Variants in VWA8 observed in about 807,000 individuals in gnomAD.
VWA8 encodes von Willebrand factor A domain-containing protein 8.
In VWA8, 221 loss-of-function variants were observed where a neutral mutation model predicts 241.5. The observed-to-expected ratio is 0.91, with a 90% CI of 0.82 to 1.02. VWA8 has a LOEUF of 1.02. VWA8 is among the 50% of genes least tolerant of loss of function. VWA8 has a pLI of 0.00. For synonymous variants in VWA8, 852 were observed against 827.1 expected (o/e 1.03, Z -0.52); for missense variants, 2,322 against 2,328.7 (o/e 1.00, Z 0.06).
chr13:41,729,798 G>GACACACAC lies in VWA8; in HGVS notation c.2503-129_2503-122dup, dbSNP rs59345894. The GACACACAC allele has an allele frequency of 3.5e-3, 1,553 of 444,900 alleles. 5 individuals are homozygous for GACACACAC. Among genetic ancestry groups the GACACACAC allele is most frequent in the African/African-American group, 7.2e-3 (315 of 43,996 alleles). 27.6% of individuals were successfully genotyped at this position (444,900 alleles called of 1,614,324 possible). ...TATTTAAGTTACAAGTATACACGTAGACACACACACACACACACACACACA... is the reference window on the plus strand; with the variant it reads ...TATTTAAGTTACAAGTATACACGTAGACACACACACACACACACACACACACACACACA... On this transcript the variant is annotated intron_variant, in intron 22 of 44. Transcript: ENST00000379310.
chr13:41,776,586 ATTACTT>A (rs1868605045), intron 20 of VWA8, among the ~76,000 whole-genome samples: 1 of 152,220 alleles, frequency 6.6e-6, no homozygotes, highest in Non-Finnish European at 1.5e-5. Context: ...ACAAGAGAAT[ATTACTT>A]TTAAACTATA....
chr13:41,679,157 A>G (rs1018570867), intron 35 of VWA8, among the ~76,000 whole-genome samples: 8 of 152,176 alleles, frequency 5.3e-5, no homozygotes, highest in Non-Finnish European at 8.8e-5. Flanking sequence ...AAAGATAGGT[A>G]TAAGTTGTAT....
chr13:41,812,101 G>T (rs556881323), intron 16 of VWA8, among the ~76,000 whole-genome samples: 2 of 152,054 alleles, frequency 1.3e-5, no homozygotes, highest in South Asian at 4.1e-4. Context: ...CTTTAAAATG[G>T]CAATAGTAAT....
At chr13:41,913,288 T>A (rs1049902095) in intron 2 of VWA8, among the ~76,000 whole-genome samples, 1 of 151,928 alleles carries the variant, frequency 6.6e-6, no homozygotes, top group Non-Finnish European at 1.5e-5. Context: ...TACCTGGGGG[T>A]AAGGAGTGGC....
chr13:41,572,433 A>G (rs969839978), intron 43 of VWA8, among the ~76,000 whole-genome samples: 4 of 152,214 alleles, frequency 2.6e-5, no homozygotes, highest in Non-Finnish European at 5.9e-5. Flanking sequence ...GGGAGACTCC[A>G]TTTTGTTCTG....
chr13:41,671,250 C>T lies in VWA8; in HGVS notation c.4410-103G>A, dbSNP rs1475649009. 4 of 1,251,066 alleles carry T rather than the reference C, an allele frequency of 3.2e-6. No homozygotes were observed. In the East Asian group the frequency reaches 7.1e-5, roughly 22 times the overall value. 77.5% of individuals were successfully genotyped at this position (1,251,066 alleles called of 1,614,324 possible). A position where few individuals can be genotyped will look rare whatever the true frequency, so the allele number is the denominator to read the frequency against. On this transcript the variant is annotated intron_variant, in intron 36 of 44. Coordinates refer to ENST00000379310, the MANE Select transcript of VWA8 (RefSeq NM_015058.2). ...CTTTACTGTTGAAAAAGTATGCTCA[C>T]ACTACTCATTATTTTATACCTGCTC... is the stretch of plus-strand genomic sequence containing the variant.
chr13:41,691,753 T>C (rs1244805248), intron 31 of VWA8, 121 bp downstream of exon 31: 1 of 835,110 alleles, frequency 1.2e-6, no homozygotes, highest in Non-Finnish European at 1.9e-6. Flanking sequence ...CAAGTTACTT[T>C]ATATTAAAAC....
intron 36 of VWA8, among the ~76,000 whole-genome samples, chr13:41,672,335 A>G (rs2045031646): frequency 6.6e-6 from 1 of 152,162 alleles, no homozygotes; most frequent in Admixed American, 6.6e-5. Flanking sequence ...ATTTCTAGGA[A>G]AGCAAATTTG....
chr13:41,575,941 T>G, intron 42 of VWA8, 103 bp from the exon 43 acceptor site: 1 of 775,270 alleles, frequency 1.3e-6, no homozygotes, highest in African/African-American at 1.7e-5. Flanking sequence ...CCAAAGTTGC[T>G]CAACATATGG....
At chr13:41,686,987 C>T (rs1268382527) in intron 34 of VWA8, among the ~76,000 whole-genome samples, 2 of 152,108 alleles carry the variant, frequency 1.3e-5, no homozygotes, top group East Asian at 1.9e-4. Flanking sequence ...CTTGCTTGGG[C>T]TCTGATCTTT....
At chr13:41,747,939 G>A (rs1593741334) in intron 21 of VWA8, among the ~76,000 whole-genome samples, 1 of 152,200 alleles carries the variant, frequency 6.6e-6, no homozygotes, top group Admixed American at 6.5e-5. Context: ...TGCATTCCAG[G>A]GGTGAAGCCC....
chr13:41,909,337 G>T (rs115165688), intron 3 of VWA8, among the ~76,000 whole-genome samples: 216 of 152,276 alleles, frequency 1.4e-3, no homozygotes, highest in African/African-American at 4.9e-3. Context: ...TGGGATCATA[G>T]GCATGAGCCA....
intron 21 of VWA8, among the ~76,000 whole-genome samples, chr13:41,750,888 A>T (rs997659936): frequency 1.2e-4 from 11 of 93,556 alleles, no homozygotes; most frequent in East Asian, 9.0e-4. Flanking sequence ...ATATTTGATA[A>T]AAAAAAAAAA....
intron 14 of VWA8, among the ~76,000 whole-genome samples, chr13:41,819,937 A>T (rs976579989): frequency 6.6e-6 from 1 of 152,168 alleles, no homozygotes; most frequent in Non-Finnish European, 1.5e-5. Flanking sequence ...AGAAAATAAA[A>T]CCTTTATAGA....
In VWA8 at chr13:41,581,088, C is replaced by G. The variant is rs915374003; in HGVS notation, c.5272-5250G>C. ...AATCTCGGCTCACTGCAGGCTCCGC[C>G]CCCTGGAGTTCACGCCATTCTCCTG... is the stretch of plus-strand genomic sequence containing the variant. On this transcript the variant is annotated intron_variant, in intron 42 of 44. Transcript: ENST00000379310. Among the ~76,000 whole-genome samples, 7 of 104,012 alleles carry G rather than the reference C, an allele frequency of 6.7e-5. 1 individual carries two copies. The highest frequency in any genetic ancestry group is 1.1e-4 in the Non-Finnish European group (6 of 56,926). The allele number at this position is 104,012 out of a possible 152,430, so 68.2% of individuals were successfully genotyped here.
At chr13:41,664,587 G>A (rs2044974529) in intron 37 of VWA8, among the ~76,000 whole-genome samples, 1 of 151,924 alleles carries the variant, frequency 6.6e-6, no homozygotes, top group Non-Finnish European at 1.5e-5. Flanking sequence ...CTTTTGTAAG[G>A]GCAGAGGAGA....
intron 42 of VWA8, among the ~76,000 whole-genome samples, chr13:41,583,600 G>A (rs997794466): frequency 1.3e-4 from 18 of 140,954 alleles, no homozygotes; most frequent in Non-Finnish European, 2.0e-4. Context: ...CCGAGATCAC[G>A]CCACTGCACT....
chr13:41,657,701 G>A (rs1007602819), intron 37 of VWA8, among the ~76,000 whole-genome samples: 3 of 151,952 alleles, frequency 2.0e-5, no homozygotes, highest in Non-Finnish European at 4.4e-5. Flanking sequence ...TTGTTAGCCA[G>A]GATGGTCTCG....
At chr13:41,957,683 T>C (rs1182414759) in intron 1 of VWA8, among the ~76,000 whole-genome samples, 1 of 152,124 alleles carries the variant, frequency 6.6e-6, no homozygotes, top group African/African-American at 2.4e-5. Flanking sequence ...AATTATAAAT[T>C]TGGGTGGGAG....
Sources: gnomAD v4.1 joint callset for allele counts (sites outside exome capture counted in the v4.1 genomes callset) on GRCh38, gnomAD v4.1.1 for gene constraint, MANE v1.5 for transcripts, NCBI Gene and HGNC (gene_info 2026-07-23, HGNC 2026-07-21) for gene names.